The following PTPRD variants were observed in gnomAD, a reference collection of about 807,000 sequenced individuals.
PTPRD encodes receptor-type tyrosine-protein phosphatase delta.
In PTPRD, 34 loss-of-function variants were observed where a neutral mutation model predicts 214.5. That is an observed-to-expected ratio of 0.16 (90% CI 0.12 to 0.21). The LOEUF (loss-of-function observed/expected upper bound fraction) is 0.21. PTPRD is among the 10% of genes least tolerant of loss of function. PTPRD has a pLI of 1.00. For missense variants in PTPRD, 2,545 were observed against 2,398.7 expected (o/e 1.06, Z -1.27); for synonymous variants, 1,128 against 845.7 (o/e 1.33, Z -5.79).
At chr9:10,187,165 T>C (rs1457765116) in intron 3 of PTPRD, among the ~76,000 whole-genome samples, 2 of 152,184 alleles carry the variant, frequency 1.3e-5, no homozygotes, top group Non-Finnish European at 2.9e-5. Context: ...TTTTATATCT[T>C]TCATGGTTAA....
Position 8,509,516 on chromosome 9 carries a change from G to C in PTPRD, c.1544-2082C>G, listed in dbSNP as rs368376199. On this transcript the variant is annotated intron_variant, in intron 21 of 45. Coordinates refer to ENST00000381196, the MANE Select transcript of PTPRD (RefSeq NM_002839.4). ...TCAAACCAAACCGGACTACAGTATG[G>C]TCAAGAATTAGAAACACAGACAACA... Among the ~76,000 whole-genome samples, 27 of 152,210 alleles carry C rather than the reference G, an allele frequency of 1.8e-4. No homozygotes were observed. The South Asian group carries it at 5.4e-3, about 30-fold the overall frequency.
chr9:9,727,509 T>A (rs2098116337), intron 7 of PTPRD, among the ~76,000 whole-genome samples: 1 of 152,188 alleles, frequency 6.6e-6, no homozygotes, highest in Non-Finnish European at 1.5e-5. Context: ...TTATGTCAGA[T>A]GAGAGGCTAA....
At chr9:8,884,351 G>A (rs946442405) in intron 11 of PTPRD, among the ~76,000 whole-genome samples, 3 of 152,206 alleles carry the variant, frequency 2.0e-5, no homozygotes, top group African/African-American at 7.2e-5. Flanking sequence ...TGAGACTGCA[G>A]GCATTGGGAA....
chr9:10,230,373 T>A (rs1180495366), intron 3 of PTPRD, among the ~76,000 whole-genome samples: 1 of 152,002 alleles, frequency 6.6e-6, no homozygotes, highest in Non-Finnish European at 1.5e-5. Flanking sequence ...ATCTTCTTAG[T>A]CTTTTCTTAC....
chr9:10,202,821 G>A (rs767941428), intron 3 of PTPRD, among the ~76,000 whole-genome samples: 11 of 151,370 alleles, frequency 7.3e-5, no homozygotes, highest in African/African-American at 2.2e-4. Context: ...CATCCTCCTC[G>A]CTGCTCTCTG....
chr9:8,315,629 G>A lies in PTPRD; in HGVS notation c.*2245C>T, dbSNP rs1463710485. 8.8e-6 allele frequency: 2 copies of A among 227,480 alleles called. No individual in the cohort carries two copies. The highest frequency in any genetic ancestry group is 1.7e-5 in the Non-Finnish European group (2 of 114,408). The allele number at this position is 227,480 out of a possible 1,614,324, so 14.1% of individuals were successfully genotyped here. ...GTAGCCTTCTAGATACTTTTTTTTAGTATTATATATATTTTCTTTTTTTTC... is the reference window on the plus strand; with the variant it reads ...GTAGCCTTCTAGATACTTTTTTTTAATATTATATATATTTTCTTTTTTTTC... On this transcript the variant is annotated 3_prime_UTR_variant, in exon 46 of 46. Coordinates refer to ENST00000381196, the MANE Select transcript of PTPRD (RefSeq NM_002839.4).
intron 2 of PTPRD, among the ~76,000 whole-genome samples, chr9:10,383,235 C>T (rs1206046558): frequency 1.3e-5 from 2 of 151,880 alleles, no homozygotes; most frequent in African/African-American, 4.8e-5. Context: ...ACATTCTTAT[C>T]AGATAAAATG....
At chr9:8,892,559 A>G (rs2098548927) in intron 11 of PTPRD, among the ~76,000 whole-genome samples, 1 of 150,472 alleles carries the variant, frequency 6.6e-6, no homozygotes, top group Admixed American at 6.7e-5. Context: ...ATATGTGTGT[A>G]TATATGTGTG....
intron 5 of PTPRD, 54 bp from the exon 6 acceptor site, chr9:9,766,905 G>C (rs1373949672): frequency 6.6e-6 from 1 of 152,220 alleles, no homozygotes; most frequent in East Asian, 1.9e-4. Flanking sequence ...TGCATAGATT[G>C]AGAAATACCA....
At chr9:8,410,397 T>A (rs1309039482) in intron 35 of PTPRD, among the ~76,000 whole-genome samples, 1 of 152,148 alleles carries the variant, frequency 6.6e-6, no homozygotes, top group Non-Finnish European at 1.5e-5. Context: ...TGGGTCTGTT[T>A]GCTCTGTGTT....
At chr9:10,492,834 T>C (rs1292359346) in intron 2 of PTPRD, among the ~76,000 whole-genome samples, 1 of 152,124 alleles carries the variant, frequency 6.6e-6, no homozygotes, top group East Asian at 1.9e-4. Flanking sequence ...TCAGGGTTTT[T>C]ATGGCTGTAG....
intron 2 of PTPRD, among the ~76,000 whole-genome samples, chr9:10,407,264 T>C (rs999684739): frequency 2.0e-5 from 3 of 151,598 alleles, no homozygotes; most frequent in African/African-American, 7.2e-5. Flanking sequence ...TCTTAGGCTA[T>C]GGATTTAAAA....
intron 3 of PTPRD, among the ~76,000 whole-genome samples, chr9:10,330,963 CT>C (rs1415736911): frequency 6.6e-6 from 1 of 151,762 alleles, no homozygotes; most frequent in African/African-American, 2.4e-5. Context: ...TCCAGTTTAT[CT>C]TTATGGGTCC....
rs1852129683 is a variant in PTPRD, at chr9:8,341,249, G to C, written c.4967C>G (p.Ala1656Gly). 4 of 1,609,688 alleles carry C rather than the reference G, an allele frequency of 2.5e-6. No homozygotes were observed. Among genetic ancestry groups the C allele is most frequent in the Non-Finnish European group, 3.4e-6 (4 of 1,177,960 alleles). ...LEFKRLASSK[A>G]HTSRFISANL... ...GGCACTGATAAACCTTGAGGTGTGA[G>C]CTTTTGAGCTGGCTAGACGCTGTTG... The change falls in exon 41 of 46, where the codon GCT becomes GGT. Residue 1656 changes from alanine to glycine, a missense_variant. Coordinates refer to ENST00000381196, the MANE Select transcript of PTPRD (RefSeq NM_002839.4).
At chr9:9,826,021 T>A (rs1000650993) in intron 5 of PTPRD, among the ~76,000 whole-genome samples, 1 of 151,790 alleles carries the variant, frequency 6.6e-6, no homozygotes, top group Admixed American at 6.6e-5. Context: ...AGCAGGAAAT[T>A]ATTCATGATC....
intron 3 of PTPRD, among the ~76,000 whole-genome samples, chr9:10,317,757 G>A (rs1050146170): frequency 9.2e-5 from 14 of 151,806 alleles, no homozygotes; most frequent in Non-Finnish European, 1.6e-4. Context: ...TTTCATTGTC[G>A]AAATCATTTG....
At chr9:8,975,478 C>G (rs2099263264) in intron 11 of PTPRD, among the ~76,000 whole-genome samples, 1 of 151,894 alleles carries the variant, frequency 6.6e-6, no homozygotes, top group Middle Eastern at 3.2e-3. Context: ...TCTACCTTGT[C>G]TATTTAATTA....
chr9:10,495,404 G>A (rs554918395), intron 2 of PTPRD, among the ~76,000 whole-genome samples: 2 of 151,698 alleles, frequency 1.3e-5, no homozygotes, highest in African/African-American at 4.8e-5. Context: ...GAGGAATCTG[G>A]GCTTCCAGAT....
chr9:10,193,343 T>C (rs2099382274), intron 3 of PTPRD, among the ~76,000 whole-genome samples: 1 of 152,010 alleles, frequency 6.6e-6, no homozygotes, highest in African/African-American at 2.4e-5. Context: ...ACCTAGACTG[T>C]GTTTAAAACC....
Sources: gnomAD v4.1 joint callset for allele counts (sites outside exome capture counted in the v4.1 genomes callset) on GRCh38, gnomAD v4.1.1 for gene constraint, MANE v1.5 for transcripts, NCBI Gene and HGNC (gene_info 2026-07-23, HGNC 2026-07-21) for gene names.